The following COL25A1 variants were observed in gnomAD, a reference collection of about 807,000 sequenced individuals.
The protein encoded by COL25A1 is collagen alpha-1(XXV) chain.
A neutral mutation model predicts 128.4 loss-of-function variants in COL25A1; 103 were observed. That is an observed-to-expected ratio of 0.80 (90% confidence interval 0.68 to 0.94). The LOEUF (loss-of-function observed/expected upper bound fraction) is 0.94, where lower values mean the gene tolerates loss of function less well. Among genes scored for constraint, COL25A1 ranks in the 40% least tolerant of loss-of-function variants. COL25A1 has a pLI of 0.00. For synonymous variants in COL25A1, 279 were observed against 277.2 expected, an observed-to-expected ratio of 1.01 and a Z score of -0.06; for missense variants, 745 against 840.0, an observed-to-expected ratio of 0.89 and a Z score of 1.40.
At chr4:108,823,006 A>T (rs1290089317) in intron 35 of COL25A1, among the ~76,000 whole-genome samples, 1 of 152,132 alleles carries the variant, frequency 6.6e-6, no homozygotes, top group Non-Finnish European at 1.5e-5. Context: ...AACCACTTAC[A>T]CGGGCTCTCT....
chr4:109,232,877 G>A (rs1285943802), intron 3 of COL25A1, among the ~76,000 whole-genome samples: 2 of 152,110 alleles, frequency 1.3e-5, no homozygotes, highest in Non-Finnish European at 2.9e-5. Flanking sequence ...TGGTTCCATG[G>A]CTTCATAAAA....
At chr4:109,035,054 T>C (rs1759212186) in intron 5 of COL25A1, among the ~76,000 whole-genome samples, 2 of 152,348 alleles carry the variant, frequency 1.3e-5, no homozygotes, top group Admixed American at 1.3e-4. Flanking sequence ...TATCCTAAAG[T>C]ATTTAAAAGC....
chr4:108,933,981 T>C (rs755362023), intron 11 of COL25A1, among the ~76,000 whole-genome samples: 1 of 152,168 alleles, frequency 6.6e-6, no homozygotes, highest in Non-Finnish European at 1.5e-5. Context: ...ATCCCATTAC[T>C]GGGTATATAC....
At chr4:108,862,607 A>C in intron 21 of COL25A1, 62 bp from the exon 22 acceptor site, 2 of 1,401,442 alleles carry the variant, frequency 1.4e-6, no homozygotes, top group Non-Finnish European at 2.0e-6. Flanking sequence ...GAACAGAAAA[A>C]TAGAAATTAG....
chr4:109,017,113 T>G (rs1307098407), intron 5 of COL25A1, among the ~76,000 whole-genome samples: 1 of 152,194 alleles, frequency 6.6e-6, no homozygotes, highest in Non-Finnish European at 1.5e-5. Flanking sequence ...CACATTCCCC[T>G]TGTCCAGACA....
intron 3 of COL25A1, among the ~76,000 whole-genome samples, chr4:109,113,410 A>T (rs1767220454): frequency 8.4e-6 from 1 of 119,276 alleles, no homozygotes; most frequent in Non-Finnish European, 2.1e-5. Context: ...TGATGGCTTA[A>T]CATATATGGA....
intron 3 of COL25A1, among the ~76,000 whole-genome samples, chr4:109,148,757 C>T (rs1311157670): frequency 6.6e-6 from 1 of 152,202 alleles, no homozygotes; most frequent in African/African-American, 2.4e-5. Flanking sequence ...CTTTCCCACT[C>T]TGGCTTTAAC....
chr4:109,077,663 G>A (rs193226523), intron 3 of COL25A1, among the ~76,000 whole-genome samples: 7 of 152,258 alleles, frequency 4.6e-5, no homozygotes, highest in South Asian at 2.1e-4. Flanking sequence ...GATGTCAACC[G>A]TCTGAAGGGT....
chr4:108,861,798 T>C (rs1737254975), intron 22 of COL25A1, among the ~76,000 whole-genome samples: 1 of 152,186 alleles, frequency 6.6e-6, no homozygotes, highest in African/African-American at 2.4e-5. Flanking sequence ...CTGTATGGAC[T>C]TCAAAGCATT....
At chr4:108,860,070 C>T (rs969914400) in intron 23 of COL25A1, among the ~76,000 whole-genome samples, 1 of 152,152 alleles carries the variant, frequency 6.6e-6, no homozygotes, top group Non-Finnish European at 1.5e-5. Flanking sequence ...TTTATTAAAG[C>T]ATCCTCTAAC....
At chr4:108,890,837 T>A (rs1741400127) in intron 16 of COL25A1, among the ~76,000 whole-genome samples, 1 of 152,156 alleles carries the variant, frequency 6.6e-6, no homozygotes, top group Admixed American at 6.5e-5. Context: ...CACGGGCCAC[T>A]TGCCCAGCTC....
intron 15 of COL25A1, among the ~76,000 whole-genome samples, chr4:108,898,935 C>A (rs112131976): frequency 6.6e-6 from 1 of 152,056 alleles, no homozygotes; most frequent in African/African-American, 2.4e-5. Context: ...ACTATTTCCT[C>A]CTTCCACTAA....
At chr4:109,134,194 G>GTTTTTTTTTTTTTTTTTTT (rs34802354) in intron 3 of COL25A1, among the ~76,000 whole-genome samples, 1 of 145,366 alleles carries the variant, frequency 6.9e-6, no homozygotes, top group African/African-American at 2.5e-5. Flanking sequence ...ATTATAGGAG[G>GTTTTTTTTTTTTTTTTTTT]TTTTTTTTTT....
chr4:109,213,457 T>C (rs1777741900), intron 3 of COL25A1, among the ~76,000 whole-genome samples: 1 of 152,142 alleles, frequency 6.6e-6, no homozygotes, highest in Admixed American at 6.6e-5. Flanking sequence ...ACTTTCTGTC[T>C]TTTCGTGATA....
At chr4:108,978,932 G>A (rs1055661813) in intron 6 of COL25A1, among the ~76,000 whole-genome samples, 1 of 152,052 alleles carries the variant, frequency 6.6e-6, no homozygotes, top group African/African-American at 2.4e-5. Flanking sequence ...TAAATAAGTA[G>A]GAATATTTGA....
intron 3 of COL25A1, among the ~76,000 whole-genome samples, chr4:109,225,436 C>A (rs1389081674): frequency 6.6e-6 from 1 of 151,962 alleles, no homozygotes; most frequent in Non-Finnish European, 1.5e-5. Context: ...ATAGCTATTA[C>A]TAAAAAGACA....
At chr4:109,047,751 T>A (rs1469324346) in intron 5 of COL25A1, among the ~76,000 whole-genome samples, 7 of 115,394 alleles carry the variant, frequency 6.1e-5, no homozygotes, top group African/African-American at 2.1e-4. Flanking sequence ...TTTTTTTTTT[T>A]AGACAGAGTC....
rs377614882 is a variant in COL25A1 at position 108,848,798 on chromosome 4, C to G, written c.1395G>C (p.Glu465Asp). 5.0e-6 allele frequency: 8 copies of G among 1,606,592 alleles called. No homozygotes were observed. The Admixed American group carries it at 1.2e-4, about 23-fold the overall frequency. The change falls in exon 27 of 38, where the codon GAG becomes GAC. Residue 465 changes from glutamate (E) to aspartate (D), a missense_variant. By Grantham distance (45) the Glu-to-Asp change is conservative (BLOSUM62 2). Coordinates refer to ENST00000399132, the MANE Select transcript of COL25A1 (RefSeq NM_198721.4). The stretch of plus-strand genomic sequence containing the variant: ...TTCCTGGGATTCCTGGAGATCCCTG[C>G]TCTCCCTATTAAGATAAAAATAGAT... ...GPQGLQGPKG[E>D]QGSPGIPGMD...
chr4:108,821,523 C>T (rs1016848740), intron 35 of COL25A1, among the ~76,000 whole-genome samples: 1 of 152,170 alleles, frequency 6.6e-6, no homozygotes, highest in African/African-American at 2.4e-5. Context: ...ATAGGTGTGT[C>T]TGAGACCAGG....
Sources: gnomAD v4.1 joint callset for allele counts (sites outside exome capture counted in the v4.1 genomes callset) on GRCh38, gnomAD v4.1.1 for gene constraint, MANE v1.5 for transcripts, NCBI Gene and HGNC (gene_info 2026-07-23, HGNC 2026-07-21) for gene names.